The following ZMAT4 variants were observed in gnomAD, a reference collection of about 807,000 sequenced individuals.
ZMAT4 encodes zinc finger matrin-type 4, also known as zinc finger matrin-type protein 4.
Under a neutral mutation model 28.7 loss-of-function variants are expected in ZMAT4, and 17 were observed. That is an observed-to-expected ratio of 0.59 (90% CI 0.41 to 0.89). The LOEUF is 0.89. ZMAT4 is among the 40% of genes least tolerant of loss of function. The pLI is 0.00. For synonymous variants in ZMAT4, 117 were observed against 109.2 expected (o/e 1.07, Z -0.44); for missense variants, 240 against 283.8 (o/e 0.85, Z 1.11).
chr8:40,760,482 C>T (rs1351217863), intron 3 of ZMAT4, among the ~76,000 whole-genome samples: 1 of 152,190 alleles, frequency 6.6e-6, no homozygotes, highest in Non-Finnish European at 1.5e-5. Context: ...AGCACCCTCA[C>T]CAGAACCAGA....
intron 6 of ZMAT4, among the ~76,000 whole-genome samples, chr8:40,566,420 C>G (rs1196012755): frequency 6.6e-6 from 1 of 152,110 alleles, no homozygotes; most frequent in Admixed American, 6.6e-5. Flanking sequence ...AACCTGACCT[C>G]CTTCCTATTA....
chr8:40,632,951 T>C (rs1806650833), intron 5 of ZMAT4, among the ~76,000 whole-genome samples: 1 of 152,180 alleles, frequency 6.6e-6, no homozygotes, highest in Non-Finnish European at 1.5e-5. Flanking sequence ...TTACTACTTA[T>C]TGAGCTTGTT....
intron 5 of ZMAT4, among the ~76,000 whole-genome samples, chr8:40,615,368 T>A (rs1014204214): frequency 2.0e-5 from 3 of 152,216 alleles, no homozygotes; most frequent in African/African-American, 7.2e-5. Flanking sequence ...ATTTTTTACC[T>A]CATTTCAACT....
At chr8:40,595,810 AC>A (rs1805071246) in intron 5 of ZMAT4, among the ~76,000 whole-genome samples, 2 of 152,122 alleles carry the variant, frequency 1.3e-5, no homozygotes, top group African/African-American at 4.8e-5. Context: ...AAGGCTGGGC[AC>A]GGTGGCTCAC....
chr8:40,599,505 G>A (rs1370578788), intron 5 of ZMAT4, among the ~76,000 whole-genome samples: 1 of 152,142 alleles, frequency 6.6e-6, no homozygotes, highest in African/African-American at 2.4e-5. Context: ...CCAAAGAAGG[G>A]TTTTTTTAGT....
In ZMAT4 at chr8:40,619,261, G is replaced by A. The variant is rs150932690; in HGVS notation, c.578-38000C>T. Among the ~76,000 whole-genome samples, 159 of 152,270 alleles carry A rather than the reference G, an allele frequency of 1.0e-3. 1 individual carries two copies. Among genetic ancestry groups the A allele is most frequent in the African/African-American group, 3.8e-3 (156 of 41,566 alleles). On this transcript the variant is annotated intron_variant, in intron 5 of 6. Transcript: ENST00000297737. Reference sequence around the variant, plus strand: ...TAAAGGATTGTGGGTAGAAAATATGGGTGGAGCTCCAACAGGATCAGCCTC... The same window carrying A: ...TAAAGGATTGTGGGTAGAAAATATGAGTGGAGCTCCAACAGGATCAGCCTC...
In ZMAT4 at chr8:40,869,583, A is replaced by G. The variant is rs75237821; in HGVS notation, c.-5+28100T>C. 4.6e-5 allele frequency among the ~76,000 whole-genome samples: 7 copies of G among 152,336 alleles called. No individual in the cohort carries two copies. In the East Asian group the frequency reaches 1.3e-3, roughly 29 times the overall value. ...TAGAAGAACAAAAGGAGAAAAGGAG[A>G]TAATCTTGAAGCTCTATTAGGGCAG... On this transcript the variant is annotated intron_variant, in intron 1 of 6. Transcript: ENST00000297737.
At chr8:40,572,687 C>T (rs757068645) in intron 6 of ZMAT4, among the ~76,000 whole-genome samples, 3 of 152,126 alleles carry the variant, frequency 2.0e-5, no homozygotes, top group Non-Finnish European at 4.4e-5. Context: ...GAAAAGTCTA[C>T]TAATAGGCAA....
At chr8:40,541,869 G>A (rs959533898) in intron 6 of ZMAT4, among the ~76,000 whole-genome samples, 2 of 152,204 alleles carry the variant, frequency 1.3e-5, no homozygotes, top group African/African-American at 4.8e-5. Flanking sequence ...TCATGAGCAC[G>A]TCTCCTGGGG....
rs532571095 is a variant in ZMAT4 at position 40,831,616 on chromosome 8, G to C, written c.-4-5936C>G. Among the ~76,000 whole-genome samples the C allele has an allele frequency of 2.6e-5, 4 of 152,334 alleles. No homozygotes were observed. The East Asian group carries it at 5.8e-4, about 22-fold the overall frequency. On this transcript the variant is annotated intron_variant, in intron 1 of 6. Transcript: ENST00000297737. ...CAGATTTGGGCTATTTCCCTACAAA[G>C]CTTCTCTAGAAGATCTAATAACCTA...
chr8:40,879,627 C>G lies in ZMAT4; in HGVS notation c.-5+18056G>C, dbSNP rs559810868. Reference sequence around the variant, plus strand: ...GAGGCAACTGGGTCTCATTTTCTTTCTGTAATTTTTATTATTTGTGTTATA... The same window carrying G: ...GAGGCAACTGGGTCTCATTTTCTTTGTGTAATTTTTATTATTTGTGTTATA... On this transcript the variant is annotated intron_variant, in intron 1 of 6. Coordinates refer to ENST00000297737, the MANE Select transcript of ZMAT4 (RefSeq NM_024645.3). Among the ~76,000 whole-genome samples, 15 of 152,194 alleles carry G rather than the reference C, an allele frequency of 9.9e-5. No individual in the cohort carries two copies. The South Asian group carries it at 3.1e-3, about 32-fold the overall frequency.
intron 1 of ZMAT4, among the ~76,000 whole-genome samples, chr8:40,853,293 A>T (rs894185523): frequency 6.6e-6 from 1 of 152,202 alleles, no homozygotes; most frequent in Admixed American, 6.5e-5. Flanking sequence ...GCAGTGGCTC[A>T]CGCCTGTAAT....
intron 6 of ZMAT4, among the ~76,000 whole-genome samples, chr8:40,566,416 A>G (rs1803926916): frequency 6.6e-6 from 1 of 152,000 alleles, no homozygotes; most frequent in Admixed American, 6.6e-5. Flanking sequence ...AGAGAACCTG[A>G]CCTCCTTCCT....
At chr8:40,741,905 T>G (rs979319940) in intron 3 of ZMAT4, among the ~76,000 whole-genome samples, 1 of 152,130 alleles carries the variant, frequency 6.6e-6, no homozygotes, top group African/African-American at 2.4e-5. Flanking sequence ...ATAAAACATA[T>G]GTATTGAAAT....
rs1813413660 is a variant in ZMAT4, at chr8:40,772,166, A to G, written c.103-4436T>C. ...AACTCATTTATTTCATTCAAACCAC[A>G]TCAACTTTAAGCTTCCCAGATCAAC... On this transcript the variant is annotated intron_variant, in intron 2 of 6. Coordinates refer to ENST00000297737, the MANE Select transcript of ZMAT4 (RefSeq NM_024645.3). Among the ~76,000 whole-genome samples the G allele has an allele frequency of 1.3e-5, 2 of 152,216 alleles. 1 individual carries two copies. Among genetic ancestry groups the G allele is most frequent in the Admixed American group, 1.3e-4 (2 of 15,280 alleles).
At chr8:40,658,629 C>CAT (rs1554534805) in intron 5 of ZMAT4, among the ~76,000 whole-genome samples, 3 of 125,060 alleles carry the variant, frequency 2.4e-5, no homozygotes, top group South Asian at 2.3e-4. Flanking sequence ...TACACACACA[C>CAT]ACACACACAC....
chr8:40,760,047 C>T (rs1812861240), intron 3 of ZMAT4, among the ~76,000 whole-genome samples: 1 of 152,178 alleles, frequency 6.6e-6, no homozygotes, highest in South Asian at 2.1e-4. Context: ...GGTCCCTGAA[C>T]TTTGTCCCAC....
At chr8:40,556,575 G>T (rs1444740116) in intron 6 of ZMAT4, among the ~76,000 whole-genome samples, 1 of 152,102 alleles carries the variant, frequency 6.6e-6, no homozygotes, top group Non-Finnish European at 1.5e-5. Context: ...ATCACATCCT[G>T]CCTGGACTAC....
chr8:40,848,719 A>G (rs1816995789), intron 1 of ZMAT4, among the ~76,000 whole-genome samples: 1 of 152,258 alleles, frequency 6.6e-6, no homozygotes, highest in South Asian at 2.1e-4. Context: ...CTTGGTGCAT[A>G]GTAGGAATTA....
Sources: gnomAD v4.1 joint callset for allele counts (sites outside exome capture counted in the v4.1 genomes callset) on GRCh38, gnomAD v4.1.1 for gene constraint, MANE v1.5 for transcripts, NCBI Gene and HGNC (gene_info 2026-07-23, HGNC 2026-07-21) for gene names.